TLR8: variants seen among roughly 807,000 people sequenced by gnomAD.
TLR8 encodes the protein toll-like receptor 8.
A neutral mutation model predicts 18.5 loss-of-function variants in TLR8; 5 were observed. That is an observed-to-expected ratio of 0.27 (90% CI 0.14 to 0.57). The LOEUF (loss-of-function observed/expected upper bound fraction) is 0.57, where lower values mean the gene tolerates loss of function less well. Ranked by LOEUF, TLR8 falls within the 20% of genes least tolerant of loss-of-function variation. TLR8 has a pLI of 0.92. For missense variants in TLR8, 543 were observed against 769.8 expected, an observed-to-expected ratio of 0.71 and a Z score of 3.49; for synonymous variants, 299 against 300.1, an observed-to-expected ratio of 1.00 and a Z score of 0.04.
Position 12,919,754 on chromosome X carries a change from T to G in TLR8, c.714T>G (p.Ser238Arg), listed in dbSNP as rs768871999. Reference sequence around the variant, plus strand: ...GCAACACCCAGATCAAATACATTAGTGAAGAAGATTTCAAGGGATTGATAA... The same window carrying G: ...GCAACACCCAGATCAAATACATTAGGGAAGAAGATTTCAAGGGATTGATAA... ...FLSNTQIKYISEEDFKGLINL... is the reference protein window; with the variant it reads ...FLSNTQIKYIREEDFKGLINL... The change falls in exon 2 of 2, where the codon AGT becomes AGG. Residue 238 changes from serine to arginine, a missense_variant. Around this residue, in one of 4 missense-constraint regions of TLR8, gnomAD observed 185 missense variants for 298.9 expected, o/e 0.62. Coordinates refer to ENST00000218032, the MANE Select transcript of TLR8 (RefSeq NM_138636.5). The G allele has an allele frequency of 8.3e-7, 1 of 1,211,546 alleles. No individual in the cohort carries two copies. Among genetic ancestry groups the G allele is most frequent in the South Asian group, 1.8e-5 (1 of 56,930 alleles).
At chrX:12,909,859 T>A (rs1292448532) in intron 1 of TLR8, among the ~76,000 whole-genome samples, 1 of 112,225 alleles carries the variant, frequency 8.9e-6, no homozygotes, top group East Asian at 2.8e-4. Context: ...TTCTTTGGGT[T>A]TTTTTGTTTT....
intron 1 of TLR8, among the ~76,000 whole-genome samples, chrX:12,917,496 C>T (rs146878112): frequency 0.014 from 1,610 of 112,390 alleles, 12 homozygotes; most frequent in Non-Finnish European, 0.019. Flanking sequence ...AGGCACTTAT[C>T]TGGTTTAATC....
At chrX:12,912,086 T>TCTC (rs199740644) in intron 1 of TLR8, among the ~76,000 whole-genome samples, 18 of 92,625 alleles carry the variant, frequency 1.9e-4, no homozygotes, top group African/African-American at 6.7e-4. Context: ...CTCTCTCTCT[T>TCTC]TCTCTCTATT....
chrX:12,920,779 T>C lies in TLR8; in HGVS notation c.1739T>C (p.Ile580Thr). The C allele has an allele frequency of 8.3e-7, 1 of 1,209,570 alleles. No homozygotes were observed. Among genetic ancestry groups the C allele is most frequent in the Non-Finnish European group, 1.1e-6 (1 of 893,846 alleles). The change falls in exon 2 of 2, where the codon ATT becomes ACT. Residue 580 changes from isoleucine to threonine, a missense_variant. Transcript: ENST00000218032. Reference sequence around the variant, plus strand: ...GGCGTAACACATCATCTAGAATTTATTCAAAATTTCACAAATCTAAAAGTT... The same window carrying C: ...GGCGTAACACATCATCTAGAATTTACTCAAAATTTCACAAATCTAAAAGTT... ...IAGVTHHLEF[I>T]QNFTNLKVLN...
chrX:12,922,043 C>T lies in TLR8; in HGVS notation c.3003C>T (p.Ile1001=), dbSNP rs1223577310. 2 of 1,211,624 alleles carry T rather than the reference C, an allele frequency of 1.7e-6. No individual in the cohort carries two copies. The highest frequency in any genetic ancestry group is 2.2e-6 in the Non-Finnish European group (2 of 895,486). The change falls in exon 2 of 2, where the codon ATC becomes ATT. Residue 1001 remains isoleucine, a synonymous_variant. Transcript: ENST00000218032. ...GGCAGCGGATCTGTAAGAGCTCCAT[C>T]CTCCAGTGGCCTGACAACCCGAAGG... The part of the protein sequence containing the change: ...RLRQRICKSS[I]LQWPDNPKAE...
At chrX:12,915,064 G>T (rs2043045546) in intron 1 of TLR8, among the ~76,000 whole-genome samples, 1 of 112,015 alleles carries the variant, frequency 8.9e-6, no homozygotes, top group Non-Finnish European at 1.9e-5. Context: ...GCTTGACTGA[G>T]GCATTCTACA....
In TLR8 at chrX:12,919,312, A is replaced by T; in HGVS notation, c.272A>T (p.Lys91Ile). The change falls in exon 2 of 2, where the codon AAA (lysine) becomes ATA (isoleucine). Residue 91 changes from lysine (K) to isoleucine (I), a missense_variant. Coordinates refer to ENST00000218032, the MANE Select transcript of TLR8 (RefSeq NM_138636.5). ...TTTCAAGGGCTGCAAAATCTCACTA[A>T]AATAAATCTAAACCACAACCCCAAT... ...ESFQGLQNLT[K>I]INLNHNPNVQ... The T allele has an allele frequency of 8.3e-7, 1 of 1,211,673 alleles. No homozygotes were observed. Among genetic ancestry groups the T allele is most frequent in the Non-Finnish European group, 1.1e-6 (1 of 895,474 alleles).
Position 12,921,543 on chromosome X carries a change from A to G in TLR8, c.2503A>G (p.Thr835Ala). 1 of 1,211,201 alleles carries G rather than the reference A, an allele frequency of 8.3e-7. No homozygotes were observed. ...DVTAVILFFF[T>A]FFITTMVMLA... ...CACTGCAGTGATATTATTTTTCTTC[A>G]CGTTCTTTATCACCACCATGGTTAT... is the stretch of plus-strand genomic sequence containing the variant. Residue 835 changes from threonine (T) to alanine (A), a missense_variant, in exon 2 of 2, where the codon ACG becomes GCG. Thr to Ala is a moderately conservative substitution (Grantham distance 58, BLOSUM62 0). Transcript: ENST00000218032.
At chrX:12,912,661 C>T (rs778146168) in intron 1 of TLR8, among the ~76,000 whole-genome samples, 45 of 113,089 alleles carry the variant, frequency 4.0e-4, no homozygotes, top group Non-Finnish European at 5.6e-5. Context: ...TGGAATTTGT[C>T]GACTCATGTT....
Position 12,919,382 on chromosome X carries a change from G to C in TLR8, c.342G>C (p.Leu114Phe), listed in dbSNP as rs764443515. ...ATCCCGGTATACAATCAAATGGCTTGAATATCACAGACGGGGCATTCCTCA... is the reference window on the plus strand; with the variant it reads ...ATCCCGGTATACAATCAAATGGCTTCAATATCACAGACGGGGCATTCCTCA... ...NGNPGIQSNGLNITDGAFLNL... is the reference protein window; with the variant it reads ...NGNPGIQSNGFNITDGAFLNL... Residue 114 changes from leucine (L) to phenylalanine (F), a missense_variant, in exon 2 of 2, where the codon TTG becomes TTC. Around this residue, in one of 4 missense-constraint regions of TLR8, gnomAD observed 117 missense variants for 111.0 expected, o/e 1.05. Transcript: ENST00000218032. The C allele has an allele frequency of 8.3e-7, 1 of 1,211,639 alleles. No homozygotes were observed.
chrX:12,916,182 G>A (rs908028498), intron 1 of TLR8, among the ~76,000 whole-genome samples: 1 of 111,933 alleles, frequency 8.9e-6, no homozygotes, highest in Non-Finnish European at 1.9e-5. Flanking sequence ...GCCTTGACTA[G>A]GCCAAAGTCC....
chrX:12,917,487 G>A (rs2043063310), intron 1 of TLR8, among the ~76,000 whole-genome samples: 1 of 112,250 alleles, frequency 8.9e-6, no homozygotes, highest in Admixed American at 9.4e-5. Flanking sequence ...TTTTTAAAAA[G>A]GCACTTATCT....
Position 12,921,892 on chromosome X carries a change from C to T in TLR8, c.2852C>T (p.Ala951Val). ...GTATTTGTTTTAACCAAAAAATATGCAAAAAGCTGGAACTTTAAAACAGCT... is the reference window on the plus strand; with the variant it reads ...GTATTTGTTTTAACCAAAAAATATGTAAAAAGCTGGAACTTTAAAACAGCT... ...KTVFVLTKKYAKSWNFKTAFY... is the reference protein window; with the variant it reads ...KTVFVLTKKYVKSWNFKTAFY... The change falls in exon 2 of 2, where the codon GCA becomes GTA. Residue 951 changes from alanine (A) to valine (V), a missense_variant. Physicochemically the swap from Ala to Val is moderately conservative, Grantham distance 64. This residue lies in a region of TLR8 where 227 missense variants were observed against 312.9 expected (regional missense o/e 0.73). Coordinates refer to ENST00000218032, the MANE Select transcript of TLR8 (RefSeq NM_138636.5). The T allele has an allele frequency of 8.3e-7, 1 of 1,211,360 alleles. No individual in the cohort carries two copies. The highest frequency in any genetic ancestry group is 1.1e-6 in the Non-Finnish European group (1 of 895,363).
chrX:12,917,150 C>A (rs1358058675), intron 1 of TLR8, among the ~76,000 whole-genome samples: 3 of 112,147 alleles, frequency 2.7e-5, no homozygotes, highest in Non-Finnish European at 5.6e-5. Flanking sequence ...AGCAGTAATA[C>A]CCGGGACAAA....
chrX:12,916,813 C>T (rs2043058641), intron 1 of TLR8, among the ~76,000 whole-genome samples: 1 of 110,842 alleles, frequency 9.0e-6, no homozygotes, highest in African/African-American at 3.3e-5. Context: ...AATTTGTTTC[C>T]AGGTTCATCC....
chrX:12,911,914 T>A (rs2147254637), intron 1 of TLR8, among the ~76,000 whole-genome samples: 1 of 112,701 alleles, frequency 8.9e-6, no homozygotes, highest in African/African-American at 3.2e-5. Flanking sequence ...CTGCTTTCCA[T>A]TTTGCTAAAC....
At chrX:12,916,619 A>G (rs1476785850) in intron 1 of TLR8, among the ~76,000 whole-genome samples, 2 of 112,137 alleles carry the variant, frequency 1.8e-5, no homozygotes, top group Admixed American at 9.4e-5. Flanking sequence ...TAGAATTCAT[A>G]GCATCTAGAT....
chrX:12,908,631 G>A (rs189185536), intron 1 of TLR8, among the ~76,000 whole-genome samples: 1 of 112,349 alleles, frequency 8.9e-6, no homozygotes, highest in East Asian at 2.8e-4. Context: ...TATCTCTACT[G>A]TGCAGCCAAA....
At position 12,919,176 on chromosome X, in the gene TLR8, A is replaced by G; in HGVS notation, c.136A>G (p.Ile46Val). 2 of 1,212,240 alleles carry G rather than the reference A, an allele frequency of 1.6e-6. No individual in the cohort carries two copies. The highest frequency in any genetic ancestry group is 1.7e-5 in the African/African-American group (1 of 57,889). ...CDEKKQNDSV[I>V]AECSNRRLQE... ...TGAGAAAAAGCAAAATGACTCAGTTATTGCAGAGTGCAGCAATCGTCGACT... is the reference window on the plus strand; with the variant it reads ...TGAGAAAAAGCAAAATGACTCAGTTGTTGCAGAGTGCAGCAATCGTCGACT... The change falls in exon 2 of 2, where the codon ATT becomes GTT. Residue 46 changes from isoleucine to valine, a missense_variant. Physicochemically the swap from Ile to Val is conservative, Grantham distance 29. Transcript: ENST00000218032.
Sources: gnomAD v4.1 joint callset for allele counts (sites outside exome capture counted in the v4.1 genomes callset) on GRCh38, gnomAD v4.1.1 for gene constraint, gnomAD v4.1.1 regional missense constraint, MANE v1.5 for transcripts, NCBI Gene and HGNC (gene_info 2026-07-23, HGNC 2026-07-21) for gene names.